Variants in NPFFR2 observed in about 807,000 individuals in gnomAD.
The protein encoded by NPFFR2 is neuropeptide FF receptor 2, also known as G-protein coupled receptor 74.
In NPFFR2, 15 loss-of-function variants were observed where a neutral mutation model predicts 13.1. That is an observed-to-expected ratio of 1.15 (90% CI 0.77 to 1.76). The LOEUF (loss-of-function observed/expected upper bound fraction) is 1.76, where lower values mean the gene tolerates loss of function less well. Ranked by LOEUF, NPFFR2 falls within the 40% of genes most tolerant of loss-of-function variation. The pLI, the probability that NPFFR2 is intolerant of heterozygous loss-of-function variation, is 0.00. For synonymous variants in NPFFR2, 190 were observed against 175.7 expected, an observed-to-expected ratio of 1.08 and a Z score of -0.65; for missense variants, 572 against 503.5, an observed-to-expected ratio of 1.14 and a Z score of -1.30.
At chr4:72,094,954 G>A (rs529383232) in intron 1 of NPFFR2, among the ~76,000 whole-genome samples, 28 of 152,228 alleles carry the variant, frequency 1.8e-4, no homozygotes, top group African/African-American at 6.0e-4. Flanking sequence ...CCTATCTGCC[G>A]TTTTCCAGAA....
intron 1 of NPFFR2, among the ~76,000 whole-genome samples, chr4:72,127,351 A>ATTTTTTTTT (rs1560419389): frequency 5.7e-5 from 7 of 123,388 alleles, no homozygotes; most frequent in African/African-American, 2.4e-4. Flanking sequence ...ATTCTAAATA[A>ATTTTTTTTT]TTTCTTTTCT....
chr4:72,117,224 C>T (rs375474014), intron 1 of NPFFR2, among the ~76,000 whole-genome samples: 5 of 152,156 alleles, frequency 3.3e-5, no homozygotes, highest in Non-Finnish European at 1.5e-5. Context: ...CTTGGGTCTA[C>T]TGGCCTCATT....
At chr4:72,125,390 A>G (rs1013056132) in intron 1 of NPFFR2, among the ~76,000 whole-genome samples, 6 of 152,086 alleles carry the variant, frequency 3.9e-5, no homozygotes, top group African/African-American at 1.4e-4. Flanking sequence ...CTATGTATAT[A>G]GAAAGTCCAA....
At chr4:72,041,573 A>G (rs1285657315) in intron 1 of NPFFR2, among the ~76,000 whole-genome samples, 1 of 152,160 alleles carries the variant, frequency 6.6e-6, no homozygotes, top group African/African-American at 2.4e-5. Flanking sequence ...GAGATCTGCA[A>G]ACTGTTTTCC....
chr4:72,065,374 G>T (rs1720035530), intron 1 of NPFFR2, among the ~76,000 whole-genome samples: 1 of 151,978 alleles, frequency 6.6e-6, no homozygotes. Context: ...TCTTAAAGAA[G>T]AAAAACATAT....
At chr4:72,118,627 G>A (rs924541823) in intron 1 of NPFFR2, among the ~76,000 whole-genome samples, 1 of 151,870 alleles carries the variant, frequency 6.6e-6, no homozygotes, top group Non-Finnish European at 1.5e-5. Flanking sequence ...ATTTGAGACA[G>A]CAAATGCTTA....
At chr4:72,091,975 G>A (rs1720929088) in intron 1 of NPFFR2, among the ~76,000 whole-genome samples, 2 of 151,844 alleles carry the variant, frequency 1.3e-5, no homozygotes, top group South Asian at 4.2e-4. Flanking sequence ...GGCATTTAAT[G>A]GTATGAACTT....
Position 72,147,892 on chromosome 4 carries a change from A to T in NPFFR2, c.*80A>T, listed in dbSNP as rs941308978. ...TGCTTTTTGTGGCTTTGCACTTCAA[A>T]TTTTTCAAAGAATGTTCTAAATAAA... On this transcript the variant is annotated 3_prime_UTR_variant, in exon 4 of 4. Transcript: ENST00000308744. The T allele has an allele frequency of 1.0e-5, 11 of 1,091,208 alleles. No individual in the cohort carries two copies. The highest frequency in any genetic ancestry group is 2.3e-4 in the Middle Eastern group (1 of 4,260). The allele number at this position is 1,091,208 out of a possible 1,614,324, so 67.6% of individuals were successfully genotyped here.
chr4:72,065,426 G>T (rs978250425), intron 1 of NPFFR2, among the ~76,000 whole-genome samples: 12 of 152,100 alleles, frequency 7.9e-5, no homozygotes, highest in Non-Finnish European at 1.3e-4. Context: ...AGAGAAATAA[G>T]CTCTTGGTCT....
chr4:72,051,445 A>G (rs561905938), intron 1 of NPFFR2, among the ~76,000 whole-genome samples: 4 of 151,644 alleles, frequency 2.6e-5, no homozygotes, highest in African/African-American at 9.7e-5. Context: ...TTTGAAACCA[A>G]TGAGAGCAAA....
intron 1 of NPFFR2, among the ~76,000 whole-genome samples, chr4:72,099,352 C>T (rs184239976): frequency 1.3e-5 from 2 of 152,152 alleles, no homozygotes; most frequent in Non-Finnish European, 2.9e-5. Context: ...TTTTTGGTGA[C>T]ACCAATAGAA....
Position 72,138,139 on chromosome 4 carries a change from G to A in NPFFR2, c.428G>A (p.Arg143Lys). 9.3e-6 allele frequency: 15 copies of A among 1,609,246 alleles called. No homozygotes were observed. Among genetic ancestry groups the A allele is most frequent in the Non-Finnish European group, 1.3e-5 (15 of 1,175,940 alleles). Residue 143 changes from arginine to lysine, a missense_variant and splice_region_variant, in exon 3 of 4, where the codon AGG (arginine) becomes AAG (lysine). By Grantham distance (26) the Arg-to-Lys change is conservative. Transcript: ENST00000308744. ...VFTLVAIAVD[R>K]FQCVVYPFKP... ...ACGTTAGTTGCAATTGCTGTAGATA[G>A]GTAAGTCTGCACCAAACTCTGAATC... is the stretch of plus-strand genomic sequence containing the variant.
At chr4:72,042,285 C>T (rs769556774) in intron 1 of NPFFR2, among the ~76,000 whole-genome samples, 6 of 152,090 alleles carry the variant, frequency 3.9e-5, no homozygotes, top group African/African-American at 7.2e-5. Flanking sequence ...CTGAGGCCTC[C>T]CCAGCCCTGC....
intron 1 of NPFFR2, among the ~76,000 whole-genome samples, chr4:72,034,029 C>T (rs1718987948): frequency 6.6e-6 from 1 of 152,076 alleles, no homozygotes; most frequent in African/African-American, 2.4e-5. Flanking sequence ...CCAGCTGTAA[C>T]ATGGAACACA....
chr4:72,055,012 A>G (rs1466229426), intron 1 of NPFFR2, among the ~76,000 whole-genome samples: 1 of 152,014 alleles, frequency 6.6e-6, no homozygotes, highest in Non-Finnish European at 1.5e-5. Context: ...ATATGTACAT[A>G]TAATACATAT....
chr4:72,061,268 G>A (rs1655103570), intron 1 of NPFFR2, among the ~76,000 whole-genome samples: 1 of 152,182 alleles, frequency 6.6e-6, no homozygotes, highest in African/African-American at 2.4e-5. Flanking sequence ...CTTTCTGCCT[G>A]TCTTTCACCT....
At chr4:72,068,860 T>TA in intron 1 of NPFFR2, 64 of 292,722 alleles carry the variant, frequency 2.2e-4, no homozygotes, top group Admixed American at 3.2e-4. Flanking sequence ...TTTTATCTTA[T>TA]CTTTTTTCCT....
chr4:72,051,915 G>C (rs370169595), intron 1 of NPFFR2, among the ~76,000 whole-genome samples: 3 of 146,016 alleles, frequency 2.1e-5, no homozygotes, highest in Non-Finnish European at 3.0e-5. Context: ...TAAATTCCTC[G>C]ACACATACAC....
chr4:72,094,392 C>T (rs559753726), intron 1 of NPFFR2, among the ~76,000 whole-genome samples: 3 of 152,230 alleles, frequency 2.0e-5, no homozygotes, highest in East Asian at 1.9e-4. Flanking sequence ...TAGGATCAGG[C>T]GGTGTGTGGG....
Sources: gnomAD v4.1 joint callset for allele counts (sites outside exome capture counted in the v4.1 genomes callset) on GRCh38, gnomAD v4.1.1 for gene constraint, MANE v1.5 for transcripts, NCBI Gene and HGNC (gene_info 2026-07-23, HGNC 2026-07-21) for gene names.